CNTN6: variants seen among roughly 807,000 people sequenced by gnomAD.
CNTN6 encodes contactin 6, also known as contactin-6.
Under a neutral mutation model 122.8 loss-of-function variants are expected in CNTN6, and 137 were observed. That is an observed-to-expected ratio of 1.12 (90% CI 0.97 to 1.29). The LOEUF is 1.29. Ranked by LOEUF, CNTN6 falls within the 50% of genes most tolerant of loss-of-function variation. The pLI is 0.00. For missense variants in CNTN6, 1,634 were observed against 1,223.4 expected, an observed-to-expected ratio of 1.34 and a Z score of -5.01; for synonymous variants, 570 against 426.0, an observed-to-expected ratio of 1.34 and a Z score of -4.16.
intron 2 of CNTN6, among the ~76,000 whole-genome samples, chr3:1,149,530 A>T (rs2092794327): frequency 6.6e-6 from 1 of 152,182 alleles, no homozygotes; most frequent in Non-Finnish European, 1.5e-5. Context: ...CAAACAGGAG[A>T]ATCAGAAAAC....
intron 4 of CNTN6, among the ~76,000 whole-genome samples, chr3:1,239,920 T>A (rs942487934): frequency 6.6e-6 from 1 of 152,058 alleles, no homozygotes; most frequent in Non-Finnish European, 1.5e-5. Flanking sequence ...ATATGCAGTG[T>A]GGAAAGGACA....
At chr3:1,139,723 C>T (rs752703129) in intron 1 of CNTN6, among the ~76,000 whole-genome samples, 2 of 152,094 alleles carry the variant, frequency 1.3e-5, no homozygotes, top group Non-Finnish European at 2.9e-5. Flanking sequence ...ACCTCATCAT[C>T]AGAACAAATT....
At position 1,247,593 on chromosome 3, in the gene CNTN6, C is replaced by G. The variant is rs557687373; in HGVS notation, c.358+19600C>G. The stretch of plus-strand genomic sequence containing the variant: ...TTTAAAAAGCTTTAGAATTAGTGAC[C>G]AAGGCAAAGAGCGGTACATATCTTT... On this transcript the variant is annotated intron_variant, in intron 4 of 22. Transcript: ENST00000446702. Among the ~76,000 whole-genome samples, 3 of 152,148 alleles carry G rather than the reference C, an allele frequency of 2.0e-5. No individual in the cohort carries two copies. In the South Asian group the frequency reaches 6.2e-4, roughly 32 times the overall value.
Position 1,297,902 on chromosome 3 carries a change from A to C in CNTN6, c.672A>C (p.Glu224Asp), listed in dbSNP as rs771624221. ...LVQRTDGVMGEYEPKIEVRFP... is the reference protein window; with the variant it reads ...LVQRTDGVMGDYEPKIEVRFP... ...GATATTTAACAGGTGTGATGGGGGA[A>C]TATGAACCAAAGATTGAAGTGCGTT... The change falls in exon 7 of 23, where the codon GAA (glutamate) becomes GAC (aspartate). Residue 224 changes from glutamate (E) to aspartate (D), a missense_variant. Coordinates refer to ENST00000446702, the MANE Select transcript of CNTN6 (RefSeq NM_001289080.2). 2 of 1,611,812 alleles carry C rather than the reference A, an allele frequency of 1.2e-6. No individual in the cohort carries two copies. Among genetic ancestry groups the C allele is most frequent in the Non-Finnish European group, 8.5e-7 (1 of 1,178,870 alleles).
chr3:1,172,805 A>G (rs1324500059), intron 2 of CNTN6, among the ~76,000 whole-genome samples: 2 of 152,212 alleles, frequency 1.3e-5, no homozygotes, highest in Non-Finnish European at 2.9e-5. Context: ...GCAAGGTTCT[A>G]TCTATAGCCC....
rs754338687 is a variant in CNTN6 at position 1,382,965 on chromosome 3, T to A, written c.2190T>A (p.Asn730Lys). 6.2e-7 allele frequency: 1 copy of A among 1,613,882 alleles called. No individual in the cohort carries two copies. Among genetic ancestry groups the A allele is most frequent in the Non-Finnish European group, 8.5e-7 (1 of 1,179,830 alleles). Reference protein sequence around the residue: ...TWESIPEELQNGEGFGYIIMF... With the variant: ...TWESIPEELQKGEGFGYIIMF... ...AGTCAATTCCAGAAGAACTGCAGAA[T>A]GGGGAGGGATTTGGATATATCATCA... The change falls in exon 18 of 23, where the codon AAT becomes AAA. Residue 730 changes from asparagine to lysine, a missense_variant. Coordinates refer to ENST00000446702, the MANE Select transcript of CNTN6 (RefSeq NM_001289080.2).
intron 1 of CNTN6, among the ~76,000 whole-genome samples, chr3:1,146,307 C>T (rs1266331797): frequency 2.6e-5 from 4 of 152,054 alleles, no homozygotes; most frequent in Non-Finnish European, 4.4e-5. Context: ...AATATCAAAC[C>T]GGACTTTCTC....
chr3:1,201,428 A>T (rs2093871065), intron 2 of CNTN6, among the ~76,000 whole-genome samples: 1 of 152,068 alleles, frequency 6.6e-6, no homozygotes, highest in Non-Finnish European at 1.5e-5. Flanking sequence ...TTGAGATTTG[A>T]ATCAGATAAT....
intron 2 of CNTN6, among the ~76,000 whole-genome samples, chr3:1,209,812 T>C (rs1413797500): frequency 6.6e-6 from 1 of 152,156 alleles, no homozygotes; most frequent in African/African-American, 2.4e-5. Context: ...AGCATTCCTC[T>C]TTTCTTTATT....
rs865945929 is a variant in CNTN6, at chr3:1,387,687, G to A, written c.2704+1890G>A. Among the ~76,000 whole-genome samples the A allele has an allele frequency of 1.5e-4, 23 of 152,194 alleles. 1 individual carries two copies. Among genetic ancestry groups the A allele is most frequent in the African/African-American group, 4.6e-4 (19 of 41,442 alleles). On this transcript the variant is annotated intron_variant, in intron 20 of 22. Transcript: ENST00000446702. ...CACTAGGGGGTGCCAGACAGTGGGC[G>A]CAGGTCAGTGGGTGAGCGCACCGTG...
chr3:1,320,146 G>A (rs879936841), intron 7 of CNTN6, among the ~76,000 whole-genome samples: 12 of 151,520 alleles, frequency 7.9e-5, no homozygotes, highest in Non-Finnish European at 1.5e-4. Context: ...CAAGTGGCAA[G>A]GCTTTTTAAA....
chr3:1,120,164 C>A (rs552972284), intron 1 of CNTN6, among the ~76,000 whole-genome samples: 1 of 151,904 alleles, frequency 6.6e-6, no homozygotes. Flanking sequence ...TATTATGAAT[C>A]AAATTCCTAT....
intron 20 of CNTN6, among the ~76,000 whole-genome samples, chr3:1,400,384 T>G (rs2126258843): frequency 6.6e-6 from 1 of 152,184 alleles, no homozygotes; most frequent in Non-Finnish European, 1.5e-5. Flanking sequence ...ACCTGGATTC[T>G]CGTTTTCTTG....
intron 2 of CNTN6, among the ~76,000 whole-genome samples, chr3:1,149,051 T>C (rs6442239): frequency 0.21 from 32,566 of 152,094 alleles, 4,910 homozygotes; most frequent in African/African-American, 0.43. Context: ...AGTTCAGCTT[T>C]AATAGATGTG....
intron 1 of CNTN6, among the ~76,000 whole-genome samples, chr3:1,113,546 A>C (rs964687476): frequency 1.3e-5 from 2 of 152,230 alleles, no homozygotes; most frequent in Admixed American, 1.3e-4. Context: ...TTCAGAAGAA[A>C]GATAAAGTCA....
intron 1 of CNTN6, among the ~76,000 whole-genome samples, chr3:1,104,585 G>A (rs1029989986): frequency 3.3e-5 from 5 of 152,054 alleles, no homozygotes; most frequent in African/African-American, 1.2e-4. Context: ...TATATAACAA[G>A]TGAAGGAAAA....
At chr3:1,390,050 C>T (rs1250676655) in intron 20 of CNTN6, among the ~76,000 whole-genome samples, 4 of 151,886 alleles carry the variant, frequency 2.6e-5, no homozygotes, top group Non-Finnish European at 4.4e-5. Context: ...CAGCTCTGCA[C>T]CAAGTGGACC....
At chr3:1,301,311 A>T (rs1697374913) in intron 7 of CNTN6, among the ~76,000 whole-genome samples, 1 of 152,076 alleles carries the variant, frequency 6.6e-6, no homozygotes, top group South Asian at 2.1e-4. Context: ...CTGGTATTAC[A>T]AGCGTGAGCC....
chr3:1,266,329 A>C (rs2094925961), intron 4 of CNTN6, among the ~76,000 whole-genome samples: 1 of 152,132 alleles, frequency 6.6e-6, no homozygotes, highest in South Asian at 2.1e-4. Context: ...CCTTGCTTGG[A>C]CTAAGAAAAT....
Sources: allele counts gnomAD v4.1 joint callset (sites outside exome capture counted in the v4.1 genomes callset), GRCh38; gene constraint gnomAD v4.1.1; transcripts MANE v1.5; gene names NCBI Gene and HGNC (gene_info 2026-07-23, HGNC 2026-07-21).